Variants in CD58 observed in about 807,000 individuals in gnomAD.
CD58 encodes lymphocyte function-associated antigen 3.
Under a neutral mutation model 27.6 loss-of-function variants are expected in CD58, and 14 were observed. That is an observed-to-expected ratio of 0.51 (90% confidence interval 0.34 to 0.79). The LOEUF (loss-of-function observed/expected upper bound fraction) is 0.79. CD58 is among the 30% of genes least tolerant of loss of function. CD58 has a pLI of 0.02. For missense variants in CD58, 268 were observed against 301.7 expected (o/e 0.89, Z 0.83); for synonymous variants, 117 against 103.8 (o/e 1.13, Z -0.77).
In CD58 at chr1:116,534,447, G is replaced by A. The variant is rs956043780; in HGVS notation, c.628+1518C>T. Among the ~76,000 whole-genome samples the A allele has an allele frequency of 2.6e-5, 4 of 152,194 alleles. No homozygotes were observed. The highest frequency in any genetic ancestry group is 5.9e-5 in the Non-Finnish European group (4 of 68,026). On this transcript the variant is annotated intron_variant, in intron 3 of 5. Coordinates refer to ENST00000369489, the MANE Select transcript of CD58 (RefSeq NM_001779.3). The surrounding 1 kb of genome is among the most constrained non-coding windows in gnomAD (Gnocchi z 5.3). ...GGGTGCGCCGCGGCCCTCCGGGTAC[G>A]CGGGGCTGGCTGGGCTAGCGGGAGA...
At chr1:116,556,329 A>G (rs969544443) in intron 1 of CD58, among the ~76,000 whole-genome samples, 1 of 151,432 alleles carries the variant, frequency 6.6e-6, no homozygotes, top group East Asian at 1.9e-4. Context: ...TAACCTTATT[A>G]TTTTGCAGGT....
At position 116,558,075 on chromosome 1, in the gene CD58, TTCTC is replaced by T. The variant is rs199697659; in HGVS notation, c.70+12824_70+12827del. ...AATAAACAATGTAATTTTAAGATAC[TTCTC>T]TCTCTCTCTCTAAAATATTTTAAGG... is the stretch of plus-strand genomic sequence containing the variant. On this transcript the variant is annotated intron_variant, in intron 1 of 5. Coordinates refer to ENST00000369489, the MANE Select transcript of CD58 (RefSeq NM_001779.3). 3.3e-3 allele frequency among the ~76,000 whole-genome samples: 493 copies of T among 151,214 alleles called. 3 individuals are homozygous for T. The highest frequency in any genetic ancestry group is 0.017 in the Middle Eastern group (5 of 288).
intron 1 of CD58, among the ~76,000 whole-genome samples, chr1:116,545,351 G>A (rs1299659251): frequency 6.6e-6 from 1 of 152,224 alleles, no homozygotes; most frequent in Non-Finnish European, 1.5e-5. Context: ...TTAGAGTAGA[G>A]AGCGGCTGAC....
At chr1:116,542,887 A>G (rs746906084) in intron 2 of CD58, among the ~76,000 whole-genome samples, 2 of 152,204 alleles carry the variant, frequency 1.3e-5, no homozygotes, top group South Asian at 2.1e-4. Context: ...TATTCTCCTT[A>G]GTGAAATAAG....
rs1571075810 is a variant in CD58 at position 116,544,343 on chromosome 1, G to A, written c.332C>T (p.Thr111Ile). Residue 111 changes from threonine (T) to isoleucine (I), a missense_variant, in exon 2 of 6, where the codon ACT becomes ATT. Physicochemically the swap from Thr to Ile is moderately conservative, Grantham distance 89 (BLOSUM62 -1). Coordinates refer to ENST00000369489, the MANE Select transcript of CD58 (RefSeq NM_001779.3). ...ATAAAGAAAGAACTTCATGGTATCA[G>A]TAATATTTGGCGATTCCATTTCATA... ...DEYEMESPNI[T>I]DTMKFFLYVL... The A allele has an allele frequency of 6.2e-7, 1 of 1,609,628 alleles. No individual in the cohort carries two copies. The highest frequency in any genetic ancestry group is 8.5e-7 in the Non-Finnish European group (1 of 1,178,504).
chr1:116,534,774 A>G lies in CD58; in HGVS notation c.628+1191T>C, dbSNP rs1657735997. ...TAATGGCTTTAAGTTATTGTTTGAA[A>G]GGGTTCAGAAAAGACAATAAATGGG... On this transcript the variant is annotated intron_variant, in intron 3 of 5. Coordinates refer to ENST00000369489, the MANE Select transcript of CD58 (RefSeq NM_001779.3). The surrounding 1 kb of genome is among the most constrained non-coding windows in gnomAD (Gnocchi z 5.3). Among the ~76,000 whole-genome samples the G allele has an allele frequency of 6.6e-6, 1 of 152,258 alleles. No homozygotes were observed. The highest frequency in any genetic ancestry group is 1.5e-5 in the Non-Finnish European group (1 of 68,048).
At chr1:116,567,929 T>C (rs1383648579) in intron 1 of CD58, among the ~76,000 whole-genome samples, 1 of 152,082 alleles carries the variant, frequency 6.6e-6, no homozygotes, top group Non-Finnish European at 1.5e-5. Flanking sequence ...CTATGAAGTA[T>C]TCCTGCTACA....
intron 1 of CD58, among the ~76,000 whole-genome samples, chr1:116,562,552 C>T (rs907070394): frequency 2.5e-4 from 38 of 152,130 alleles, no homozygotes; most frequent in Non-Finnish European, 3.2e-4. Flanking sequence ...ATACATGAGA[C>T]TGGGTAATTT....
chr1:116,533,305 C>G, intron 3 of CD58: 1 of 1,385,678 alleles, frequency 7.2e-7, no homozygotes, highest in Non-Finnish European at 1.0e-6. Flanking sequence ...ATGGTTTTGA[C>G]AGTAACATTC....
At chr1:116,525,047 A>G (rs993042764) in intron 3 of CD58, among the ~76,000 whole-genome samples, 1 of 152,252 alleles carries the variant, frequency 6.6e-6, no homozygotes, top group Non-Finnish European at 1.5e-5. Context: ...TTTAGAATTA[A>G]TGAAACCATT....
Position 116,566,533 on chromosome 1 carries a change from G to A in CD58, c.70+4370C>T, listed in dbSNP as rs555773472. ...CCATCTCTCACTAAAAGAAACCAGG[G>A]AACCTAATGATTCGAAGGCTGAGGC... On this transcript the variant is annotated intron_variant, in intron 1 of 5. Coordinates refer to ENST00000369489, the MANE Select transcript of CD58 (RefSeq NM_001779.3). Among the ~76,000 whole-genome samples, 4 of 152,300 alleles carry A rather than the reference G, an allele frequency of 2.6e-5. No individual in the cohort carries two copies. In the South Asian group the frequency reaches 8.3e-4, roughly 32 times the overall value.
At chr1:116,548,482 A>G (rs1177302910) in intron 1 of CD58, among the ~76,000 whole-genome samples, 1 of 152,224 alleles carries the variant, frequency 6.6e-6, no homozygotes, top group Non-Finnish European at 1.5e-5. Flanking sequence ...ATATAAGGTG[A>G]AAGATGAGGA....
intron 1 of CD58, among the ~76,000 whole-genome samples, chr1:116,547,066 G>GTTTTTTTTT (rs61478445): frequency 7.3e-6 from 1 of 137,224 alleles, no homozygotes. Context: ...ACATGGATAA[G>GTTTTTTTTT]TTTTTTTTTT....
chr1:116,533,219 GA>G, intron 3 of CD58: 1 of 796,512 alleles, frequency 1.3e-6, no homozygotes, highest in Non-Finnish European at 2.2e-6. Flanking sequence ...TGAAGAAGTT[GA>G]AAAATGACTC....
At chr1:116,558,771 A>G (rs550766662) in intron 1 of CD58, among the ~76,000 whole-genome samples, 5 of 152,384 alleles carry the variant, frequency 3.3e-5, no homozygotes, top group South Asian at 4.1e-4. Flanking sequence ...AATATTTAAC[A>G]GTAGCAGCAG....
Position 116,536,017 on chromosome 1 carries a change from T to C in CD58, c.576A>G (p.Pro192=), listed in dbSNP as rs745614098. 13 of 1,613,112 alleles carry C rather than the reference T, an allele frequency of 8.1e-6. No homozygotes were observed. In the Admixed American group the frequency reaches 8.3e-5, roughly 10 times the overall value. Residue 192 remains proline (P), a synonymous_variant, in exon 3 of 6, where the codon CCA becomes CCG. Coordinates refer to ENST00000369489, the MANE Select transcript of CD58 (RefSeq NM_001779.3). The surrounding 1 kb of genome is among the most constrained non-coding windows in gnomAD (Gnocchi z 5.4). ...PQKIQCTLSN[P]LFNTTSSIIL... is the part of the protein sequence containing the mutation. ...TGATTGATGATGTTGTATTAAATAATGGATTGCTAAGAGTACACTGTATTT... is the reference window on the plus strand; with the variant it reads ...TGATTGATGATGTTGTATTAAATAACGGATTGCTAAGAGTACACTGTATTT...
rs932958706 is a variant in CD58, at chr1:116,517,470, G to A, written c.743+1761C>T. ...AAAGGACACCTGTGGCCCATCCATC[G>A]ATCCCACCTCACCTAGGCCCTTGCT... is the stretch of plus-strand genomic sequence containing the variant. On this transcript the variant is annotated intron_variant, in intron 5 of 5. Coordinates refer to ENST00000369489, the MANE Select transcript of CD58 (RefSeq NM_001779.3). The surrounding 1 kb of genome is among the most constrained non-coding windows in gnomAD (Gnocchi z 6.5). 1.1e-4 allele frequency among the ~76,000 whole-genome samples: 16 copies of A among 152,060 alleles called. No homozygotes were observed. The highest frequency in any genetic ancestry group is 3.4e-3 in the Middle Eastern group (1 of 294).
rs150240270 is a variant in CD58, at chr1:116,542,240, T to C, written c.364+2071A>G. On this transcript the variant is annotated intron_variant, in intron 2 of 5. Transcript: ENST00000369489. ...TTGCAGTGAGCTGAGATCGCGCCATTGCATTCCAGCCTGGGCAACAAGGGC... is the reference window on the plus strand; with the variant it reads ...TTGCAGTGAGCTGAGATCGCGCCATCGCATTCCAGCCTGGGCAACAAGGGC... Among the ~76,000 whole-genome samples, 968 of 152,284 alleles carry C rather than the reference T, an allele frequency of 6.4e-3. 9 individuals are homozygous for C. The highest frequency in any genetic ancestry group is 0.02 in the African/African-American group (819 of 41,546).
intron 1 of CD58, among the ~76,000 whole-genome samples, chr1:116,555,935 C>A (rs1332949795): frequency 6.6e-6 from 1 of 152,022 alleles, no homozygotes; most frequent in East Asian, 1.9e-4. Context: ...TGGCTCTGTG[C>A]CAGGCACTGT....
Sources: allele counts gnomAD v4.1 joint callset (sites outside exome capture counted in the v4.1 genomes callset), GRCh38; gene constraint gnomAD v4.1.1; non-coding constraint Gnocchi (gnomAD v3.1); transcripts MANE v1.5; gene names NCBI Gene and HGNC (gene_info 2026-07-23, HGNC 2026-07-21).